Variants in PIK3C2B observed in about 807,000 individuals in gnomAD.
PIK3C2B encodes the protein phosphatidylinositol-4-phosphate 3-kinase catalytic subunit type 2 beta, also known as phosphatidylinositol 4-phosphate 3-kinase C2 domain-containing subunit beta.
In PIK3C2B, 83 loss-of-function variants were observed where a neutral mutation model predicts 184.3. The observed-to-expected ratio is 0.45, with a 90% confidence interval of 0.38 to 0.54. The LOEUF (loss-of-function observed/expected upper bound fraction) is 0.54, where lower values mean the gene tolerates loss of function less well. Among genes scored for constraint, PIK3C2B ranks in the 20% least tolerant of loss-of-function variants. The pLI is 0.00. For synonymous variants in PIK3C2B, 779 were observed against 837.6 expected (o/e 0.93, Z 1.21); for missense variants, 1,736 against 2,113.5 (o/e 0.82, Z 3.50).
In PIK3C2B at chr1:204,424,883, G is replaced by A. The variant is rs1415013661; in HGVS notation, c.4874C>T (p.Ala1625Val). ...GGTGCCATGACTTCGAGATCCCAGG[G>A]CGAACCAGCCGGTCTTCTCCTGAGC... is the stretch of plus-strand genomic sequence containing the variant. ...DLAQEKTGWF[A>V]LGSRSHGTL The change falls in exon 33 of 33, where the codon GCC becomes GTC. Residue 1625 changes from alanine to valine, a missense_variant. By Grantham distance (64) the Ala-to-Val change is moderately conservative. Coordinates refer to ENST00000684373, the MANE Select transcript of PIK3C2B (RefSeq NM_001377334.1). 2 of 1,614,062 alleles carry A rather than the reference G, an allele frequency of 1.2e-6. No individual in the cohort carries two copies. The highest frequency in any genetic ancestry group is 2.2e-5 in the South Asian group (2 of 91,092).
At chr1:204,478,943 T>A (rs961530384) in intron 1 of PIK3C2B, among the ~76,000 whole-genome samples, 1 of 152,242 alleles carries the variant, frequency 6.6e-6, no homozygotes, top group African/African-American at 2.4e-5. Context: ...AGAAACCATT[T>A]GGTCTCATGC....
In PIK3C2B at chr1:204,448,459, G is replaced by C. The variant is rs112696856; in HGVS notation, c.2346+726C>G. 2.4e-3 allele frequency among the ~76,000 whole-genome samples: 358 copies of C among 152,166 alleles called. 3 individuals carry two copies. The highest frequency in any genetic ancestry group is 8.2e-3 in the African/African-American group (339 of 41,506). ...GTGCCAGGCATTTTCTAGAGTCTGGGCATAAAGCAGCAAATAAGACAGACA... is the reference window on the plus strand; with the variant it reads ...GTGCCAGGCATTTTCTAGAGTCTGGCCATAAAGCAGCAAATAAGACAGACA... On this transcript the variant is annotated intron_variant, in intron 14 of 32. Coordinates refer to ENST00000684373, the MANE Select transcript of PIK3C2B (RefSeq NM_001377334.1).
At chr1:204,458,589 G>C (rs1024816333) in intron 8 of PIK3C2B, among the ~76,000 whole-genome samples, 1 of 151,850 alleles carries the variant, frequency 6.6e-6, no homozygotes, top group Non-Finnish European at 1.5e-5. Context: ...TGCCTCCCGG[G>C]TTCAAGCAAT....
chr1:204,441,832 T>C (rs1675679239), intron 20 of PIK3C2B, among the ~76,000 whole-genome samples: 1 of 152,224 alleles, frequency 6.6e-6, no homozygotes, highest in African/African-American at 2.4e-5. Context: ...TTACTAGTTG[T>C]GTGACCTCTG....
chr1:204,450,109 G>GGCT, intron 12 of PIK3C2B, 92 bp from the exon 13 acceptor site: 1 of 1,064,864 alleles, frequency 9.4e-7, no homozygotes, highest in Non-Finnish European at 1.3e-6. Context: ...CTGAGGCTGA[G>GGCT]GATACAGCCT....
rs1224382481 is a variant in PIK3C2B, at chr1:204,425,032, A to G, written c.4725T>C (p.Tyr1575=). 1 of 1,613,252 alleles carries G rather than the reference A, an allele frequency of 6.2e-7. No homozygotes were observed. Among genetic ancestry groups the G allele is most frequent in the South Asian group, 1.1e-5 (1 of 90,998 alleles). The change falls in exon 33 of 33, where the codon TAT becomes TAC. Residue 1575 remains tyrosine, a synonymous_variant. Coordinates refer to ENST00000684373, the MANE Select transcript of PIK3C2B (RefSeq NM_001377334.1). Reference sequence around the variant, plus strand: ...GCAGGTCACCCTTGGGGATCCCATCATATACCAACTGCAAACATAGAGATG... The same window carrying G: ...GCAGGTCACCCTTGGGGATCCCATCGTATACCAACTGCAAACATAGAGATG... The part of the protein sequence containing the change: ...CNPTYNEMLV[Y]DGIPKGDLQQ...
rs1228772023 is a variant in PIK3C2B at position 204,433,797 on chromosome 1, C to G, written c.3839G>C (p.Gly1280Ala). 19 of 1,613,956 alleles carry G rather than the reference C, an allele frequency of 1.2e-5. No individual in the cohort carries two copies. Among genetic ancestry groups the G allele is most frequent in the Non-Finnish European group, 1.5e-5 (18 of 1,179,886 alleles). The change falls in exon 25 of 33, where the codon GGC becomes GCC. Residue 1280 changes from glycine to alanine, a missense_variant. This residue lies in a region of PIK3C2B where 119 missense variants were observed against 179.3 expected (regional missense o/e 0.66). Transcript: ENST00000684373. This position sits in a 1 kb window ranked among gnomAD's most constrained non-coding sequence, Gnocchi z 5.0. ...KHTHLFLNLL[G>A]LMLSCGIPEL... ...GAAAGGGATGGAGCTCCTCACCAGG[C>G]CCAGAAGGTTGAGGAAGAGGTGGGT...
chr1:204,457,495 G>C (rs1654972325), intron 9 of PIK3C2B, among the ~76,000 whole-genome samples: 1 of 152,176 alleles, frequency 6.6e-6, no homozygotes, highest in Non-Finnish European at 1.5e-5. Context: ...TACTGGCCTG[G>C]GCTCTCAACA....
At chr1:204,487,510 G>A (rs925650503) in intron 1 of PIK3C2B, among the ~76,000 whole-genome samples, 12 of 152,258 alleles carry the variant, frequency 7.9e-5, no homozygotes, top group Admixed American at 5.9e-4. Context: ...TGTTCTCAGC[G>A]TGGTCTGACC....
chr1:204,443,738 G>A lies in PIK3C2B; in HGVS notation c.2868-141C>T, dbSNP rs112209578. ...GAGGGAAAATACATTCTGTATGTAC[G>A]GCTCATATGGAGATGCTCACCTGTG... On this transcript the variant is annotated intron_variant, in intron 18 of 32. Transcript: ENST00000684373. The A allele has an allele frequency of 1.1e-3, 807 of 726,306 alleles. 2 individuals carry two copies. The African/African-American group carries it at 0.012, about 10-fold the overall frequency. 45.0% of individuals were successfully genotyped at this position (726,306 alleles called of 1,614,324 possible). A position where few individuals can be genotyped will look rare whatever the true frequency, so the allele number is the denominator to read the frequency against.
intron 1 of PIK3C2B, among the ~76,000 whole-genome samples, chr1:204,486,686 C>T (rs1215731724): frequency 2.6e-5 from 4 of 151,028 alleles, no homozygotes; most frequent in Non-Finnish European, 4.4e-5. Flanking sequence ...CCCGAGATTG[C>T]GCCATTGCAC....
At chr1:204,436,740 T>C (rs966390168) in intron 23 of PIK3C2B, among the ~76,000 whole-genome samples, 1 of 152,230 alleles carries the variant, frequency 6.6e-6, no homozygotes, top group Non-Finnish European at 1.5e-5. Flanking sequence ...TACACATATA[T>C]GACTATTACA....
At chr1:204,440,420 G>A in intron 21 of PIK3C2B, 99 bp from the exon 22 acceptor site, 1 of 1,296,214 alleles carries the variant, frequency 7.7e-7, no homozygotes, top group Non-Finnish European at 1.1e-6. Context: ...AACAGTGACA[G>A]GGAGTTCCCC....
At chr1:204,474,737 T>A (rs1165876215) in intron 1 of PIK3C2B, among the ~76,000 whole-genome samples, 2 of 152,128 alleles carry the variant, frequency 1.3e-5, no homozygotes, top group African/African-American at 4.8e-5. Context: ...ACTACTCACA[T>A]GTTGATGATT....
In PIK3C2B at chr1:204,469,157, C is replaced by T. The variant is rs767006321; in HGVS notation, c.646G>A (p.Gly216Ser). The change falls in exon 2 of 33, where the codon GGT (glycine) becomes AGT (serine). Residue 216 changes from glycine to serine, a missense_variant. Around this residue, in one of 8 missense-constraint regions of PIK3C2B, gnomAD observed 404 missense variants for 418.0 expected, o/e 0.97. Transcript: ENST00000684373. ...RILEEEEVLG[G>S]GGQGRLLGSV... The stretch of plus-strand genomic sequence containing the variant: ...CCCAGTAGGCGCCCCTGACCCCCAC[C>T]TCCCAGCACCTCTTCCTCTTCTAGG... 7.4e-6 allele frequency: 12 copies of T among 1,614,066 alleles called. No individual in the cohort carries two copies. The African/African-American group carries it at 1.2e-4, about 16-fold the overall frequency.
chr1:204,489,093 G>T (rs763481788), intron 1 of PIK3C2B, among the ~76,000 whole-genome samples: 3 of 152,028 alleles, frequency 2.0e-5, no homozygotes, highest in Non-Finnish European at 2.9e-5. Context: ...GGTTCTAGAG[G>T]TTTCCTGACC....
chr1:204,440,765 T>TTATATATATATATATA (rs34842826), intron 21 of PIK3C2B, among the ~76,000 whole-genome samples: 10 of 140,054 alleles, frequency 7.1e-5, no homozygotes, highest in African/African-American at 2.6e-4. Context: ...CCCAGCTAAT[T>TTATATATATATATATA]TATATATATA....
At chr1:204,448,264 G>A (rs1225820289) in intron 14 of PIK3C2B, among the ~76,000 whole-genome samples, 1 of 151,650 alleles carries the variant, frequency 6.6e-6, no homozygotes, top group African/African-American at 2.4e-5. Flanking sequence ...ACAGGCACCC[G>A]CCACCACACC....
chr1:204,481,174 C>G (rs755077667), intron 1 of PIK3C2B, among the ~76,000 whole-genome samples: 3 of 151,858 alleles, frequency 2.0e-5, no homozygotes, highest in Non-Finnish European at 4.4e-5. Flanking sequence ...ACACCCTACT[C>G]TCCCCCGACA....
Sources: allele counts gnomAD v4.1 joint callset (sites outside exome capture counted in the v4.1 genomes callset), GRCh38; gene constraint gnomAD v4.1.1; regional missense constraint gnomAD v4.1.1; non-coding constraint Gnocchi (gnomAD v3.1); transcripts MANE v1.5; gene names NCBI Gene and HGNC (gene_info 2026-07-23, HGNC 2026-07-21).